Variants in DYNC1LI2 observed in about 807,000 individuals in gnomAD.
DYNC1LI2 encodes the protein cytoplasmic dynein 1 light intermediate chain 2.
In DYNC1LI2, 19 loss-of-function variants were observed where a neutral mutation model predicts 57.8. That is an observed-to-expected ratio of 0.33 (90% CI 0.23 to 0.48). The LOEUF (loss-of-function observed/expected upper bound fraction) is 0.48, where lower values mean the gene tolerates loss of function less well. Ranked by LOEUF, DYNC1LI2 falls within the 20% of genes least tolerant of loss-of-function variation. The pLI, the probability that DYNC1LI2 is intolerant of heterozygous loss-of-function variation, is 0.99. For missense variants in DYNC1LI2, 470 were observed against 604.2 expected, an observed-to-expected ratio of 0.78 and a Z score of 2.33; for synonymous variants, 256 against 233.4, an observed-to-expected ratio of 1.10 and a Z score of -0.88.
At chr16:66,724,791 T>A (rs1225979960) in intron 12 of DYNC1LI2, 2 of 151,570 alleles carry the variant, frequency 1.3e-5, no homozygotes, top group Non-Finnish European at 2.9e-5. Context: ...CTGGGGGCAG[T>A]GGAGTAAACA....
chr16:66,750,866 A>G (rs1255109555), intron 2 of DYNC1LI2, among the ~76,000 whole-genome samples: 2 of 152,166 alleles, frequency 1.3e-5, no homozygotes, highest in Non-Finnish European at 2.9e-5. Context: ...ACCTCGGACT[A>G]TGCACTACTG....
intron 11 of DYNC1LI2, among the ~76,000 whole-genome samples, chr16:66,726,320 G>T (rs1412921677): frequency 6.6e-6 from 1 of 152,232 alleles, no homozygotes; most frequent in African/African-American, 2.4e-5. Context: ...GTTTTTTAAT[G>T]ATTTTACTGC....
intron 7 of DYNC1LI2, 52 bp from the exon 8 acceptor site, chr16:66,730,275 G>A (rs1567449639): frequency 6.7e-7 from 1 of 1,503,236 alleles, no homozygotes; most frequent in African/African-American, 1.4e-5. Context: ...CTGCCTTAGA[G>A]CATACTCAGA....
chr16:66,743,260 G>C (rs1253364976), intron 3 of DYNC1LI2, among the ~76,000 whole-genome samples: 1 of 151,792 alleles, frequency 6.6e-6, no homozygotes, highest in Non-Finnish European at 1.5e-5. Flanking sequence ...AAATGTCTAT[G>C]AAGTAAAGAT....
chr16:66,742,385 C>A, intron 4 of DYNC1LI2, 53 bp downstream of exon 4: 6 of 1,554,970 alleles, frequency 3.9e-6, no homozygotes, highest in Non-Finnish European at 8.8e-7. Flanking sequence ...GTGATTCAAA[C>A]CATCTAAAGA....
Position 66,730,199 on chromosome 16 carries a change from C to A in DYNC1LI2, c.954G>T (p.Lys318Asn). 6.2e-7 allele frequency: 1 copy of A among 1,613,826 alleles called. No homozygotes were observed. ...VFIPAGWDNEKKIAILHENFT... is the reference protein window; with the variant it reads ...VFIPAGWDNENKIAILHENFT... Reference sequence around the variant, plus strand: ...AATTTTCATGTAAAATAGCTATTTTCTTTTCATTGTCCCAGCCTGCAGGTC... The same window carrying A: ...AATTTTCATGTAAAATAGCTATTTTATTTTCATTGTCCCAGCCTGCAGGTC... Residue 318 changes from lysine (K) to asparagine (N), a missense_variant, in exon 8 of 13, where the codon AAG becomes AAT. Physicochemically the swap from Lys to Asn is moderately conservative, Grantham distance 94. Transcript: ENST00000258198.
intron 9 of DYNC1LI2, among the ~76,000 whole-genome samples, 200 bp downstream of exon 9, chr16:66,728,840 C>A (rs1315634570): frequency 6.6e-6 from 1 of 152,194 alleles, no homozygotes; most frequent in African/African-American, 2.4e-5. Context: ...GTCTGCAAGG[C>A]AGGTAGGTGA....
At position 66,749,255 on chromosome 16, in the gene DYNC1LI2, G is replaced by A. The variant is rs2017997290; in HGVS notation, c.240C>T (p.Gly80=). 1.9e-6 allele frequency: 3 copies of A among 1,613,810 alleles called. No individual in the cohort carries two copies. The highest frequency in any genetic ancestry group is 2.5e-6 in the Non-Finnish European group (3 of 1,179,968). The change falls in exon 3 of 13, where the codon GGC becomes GGT. Residue 80 remains glycine, a synonymous_variant. Transcript: ENST00000258198. ...GATATTCTAGGCCTCTTCCTTTTTT[G>A]CCATGCTCAGCTCCTTGTAGTTTAG... ...LMTKLQGAEH[G]KKGRGLEYLY...
At chr16:66,749,616 C>G (rs568279612) in intron 2 of DYNC1LI2, among the ~76,000 whole-genome samples, 2 of 151,970 alleles carry the variant, frequency 1.3e-5, no homozygotes, top group African/African-American at 4.8e-5. Context: ...GACATGCATT[C>G]GGAGAAGTGA....
Position 66,729,210 on chromosome 16 carries a change from A to C in DYNC1LI2, c.1042-111T>G, listed in dbSNP as rs1357331725. On this transcript the variant is annotated intron_variant, in intron 8 of 12. Coordinates refer to ENST00000258198, the MANE Select transcript of DYNC1LI2 (RefSeq NM_006141.3). ...GCTCAGGCTTCAACACAGGTCTGGG[A>C]GATCCCTACTGAGACTGCAGAGTAA... The C allele has an allele frequency of 1.7e-5, 20 of 1,177,056 alleles. No individual in the cohort carries two copies. The East Asian group carries it at 4.4e-4, about 26-fold the overall frequency. 72.9% of individuals were successfully genotyped at this position (1,177,056 alleles called of 1,614,324 possible).
chr16:66,742,848 T>C (rs1567456016), intron 3 of DYNC1LI2, among the ~76,000 whole-genome samples, 180 bp from the exon 4 acceptor site: 1 of 152,284 alleles, frequency 6.6e-6, no homozygotes, highest in Middle Eastern at 3.4e-3. Context: ...TCCTTGGTCC[T>C]GGTGCCTTTA....
chr16:66,722,992 CAT>C lies in DYNC1LI2; in HGVS notation c.*728_*729del, dbSNP rs2017474330. The C allele has an allele frequency of 4.0e-6, 1 of 247,096 alleles. No homozygotes were observed. The highest frequency in any genetic ancestry group is 8.1e-6 in the Non-Finnish European group (1 of 123,306). The allele number at this position is 247,096 out of a possible 1,614,324, so 15.3% of individuals were successfully genotyped here. A position where few individuals can be genotyped will look rare whatever the true frequency, so the allele number is the denominator to read the frequency against. On this transcript the variant is annotated 3_prime_UTR_variant, in exon 13 of 13. Transcript: ENST00000258198. ...TGGACCCCAGTACCTCTCACGAGGACATAGCCTGGGCCAAGCACATGGGTCCT... is the reference window on the plus strand; with the variant it reads ...TGGACCCCAGTACCTCTCACGAGGACAGCCTGGGCCAAGCACATGGGTCCT...
Position 66,733,147 on chromosome 16 carries a change from T to C in DYNC1LI2, c.794-673A>G, listed in dbSNP as rs532085016. On this transcript the variant is annotated intron_variant, in intron 6 of 12. Coordinates refer to ENST00000258198, the MANE Select transcript of DYNC1LI2 (RefSeq NM_006141.3). ...TATAAAACAATACCCTGTTTGGTAA[T>C]TGACCTTTTCTACATAAAAGCAAAG... The C allele has an allele frequency of 3.3e-5, 5 of 152,340 alleles. No individual in the cohort carries two copies. In the South Asian group the frequency reaches 6.2e-4, roughly 19 times the overall value. The allele number at this position is 152,340 out of a possible 1,614,324, so 9.4% of individuals were successfully genotyped here.
Position 66,751,144 on chromosome 16 carries a change from G to A in DYNC1LI2, c.181+129C>T. 1.8e-6 allele frequency: 2 copies of A among 1,105,840 alleles called. No individual in the cohort carries two copies. Among genetic ancestry groups the A allele is most frequent in the South Asian group, 3.1e-5 (2 of 63,580 alleles). The allele number at this position is 1,105,840 out of a possible 1,614,324, so 68.5% of individuals were successfully genotyped here. A position where few individuals can be genotyped will look rare whatever the true frequency, so the allele number is the denominator to read the frequency against. ...TGACCACTCTCCAGCTGACCGGCCA[G>A]GGCCGACGGTCCCTTTCCCGCCAGG... On this transcript the variant is annotated intron_variant, in intron 2 of 12. Coordinates refer to ENST00000258198, the MANE Select transcript of DYNC1LI2 (RefSeq NM_006141.3). This position sits in a 1 kb window ranked among gnomAD's most constrained non-coding sequence, Gnocchi z 5.2.
chr16:66,727,214 G>A (rs893471506), intron 11 of DYNC1LI2, among the ~76,000 whole-genome samples: 6 of 152,074 alleles, frequency 3.9e-5, no homozygotes, highest in Admixed American at 6.6e-5. Context: ...CACTGCATCT[G>A]GCCTACAATA....
intron 5 of DYNC1LI2, among the ~76,000 whole-genome samples, chr16:66,735,096 G>GTT (rs1248362130): frequency 2.0e-4 from 21 of 102,844 alleles, no homozygotes; most frequent in Non-Finnish European, 3.0e-4. Context: ...ACTGAACTTT[G>GTT]TTTGTTTTTT....
In DYNC1LI2 at chr16:66,749,117, C is replaced by T. The variant is rs1597000236; in HGVS notation, c.298+80G>A. The T allele has an allele frequency of 3.7e-6, 5 of 1,339,744 alleles. No homozygotes were observed. In the East Asian group the frequency reaches 1.2e-4, roughly 31 times the overall value. 83.0% of individuals were successfully genotyped at this position (1,339,744 alleles called of 1,614,324 possible). A position where few individuals can be genotyped will look rare whatever the true frequency, so the allele number is the denominator to read the frequency against. On this transcript the variant is annotated intron_variant, in intron 3 of 12. Coordinates refer to ENST00000258198, the MANE Select transcript of DYNC1LI2 (RefSeq NM_006141.3). ...AAACAGAAAACTGAGAATGCCTGGC[C>T]ATGCTGCAGGAACTGCACCCAAGGA... is the stretch of plus-strand genomic sequence containing the variant.
chr16:66,733,557 T>C (rs1412378791), intron 6 of DYNC1LI2: 1 of 152,030 alleles, frequency 6.6e-6, no homozygotes. Flanking sequence ...ATACAAAAAC[T>C]AGCCGGGTGT....
chr16:66,742,790 A>C, intron 3 of DYNC1LI2, 122 bp from the exon 4 acceptor site: 1 of 1,221,168 alleles, frequency 8.2e-7, no homozygotes, highest in Non-Finnish European at 1.1e-6. Flanking sequence ...AGAATGCAAA[A>C]TTTGGAAATC....
Sources: gnomAD v4.1 joint callset for allele counts (sites outside exome capture counted in the v4.1 genomes callset) on GRCh38, gnomAD v4.1.1 for gene constraint, Gnocchi (gnomAD v3.1) non-coding constraint, MANE v1.5 for transcripts, NCBI Gene and HGNC (gene_info 2026-07-23, HGNC 2026-07-21) for gene names.